GREB1: variants seen among roughly 807,000 people sequenced by gnomAD.
The protein encoded by GREB1 is protein GREB1.
Under a neutral mutation model 200.7 loss-of-function variants are expected in GREB1, and 106 were observed. That is an observed-to-expected ratio of 0.53 (90% confidence interval 0.45 to 0.62). GREB1 has a LOEUF of 0.62. Among genes scored for constraint, GREB1 ranks in the 20% least tolerant of loss-of-function variants. The pLI is 0.00. For synonymous variants in GREB1, 1,132 were observed against 1,092.4 expected (o/e 1.04, Z -0.72); for missense variants, 2,243 against 2,556.8 (o/e 0.88, Z 2.65).
intron 27 of GREB1, among the ~76,000 whole-genome samples, chr2:11,632,662 GAAGAAAGCAT>G (rs1311468553): frequency 6.6e-6 from 1 of 152,190 alleles, no homozygotes; most frequent in Non-Finnish European, 1.5e-5. Flanking sequence ...AATGGTTAGA[GAAGAAAGCAT>G]AAGAAAGCAA....
At chr2:11,510,192 T>G (rs1673310436) in intron 1 of GREB1, among the ~76,000 whole-genome samples, 1 of 152,206 alleles carries the variant, frequency 6.6e-6, no homozygotes, top group African/African-American at 2.4e-5. Flanking sequence ...TTCAGTAAAT[T>G]AGTAATTTGA....
At chr2:11,541,139 G>A (rs1055033955) in intron 1 of GREB1, among the ~76,000 whole-genome samples, 20 of 152,332 alleles carry the variant, frequency 1.3e-4, no homozygotes, top group African/African-American at 4.8e-4. Flanking sequence ...TAGTGGCCCT[G>A]AAGGGCCAGG....
Position 11,618,509 on chromosome 2 carries a change from C to A in GREB1, c.3634C>A (p.Gln1212Lys). 6.2e-7 allele frequency: 1 copy of A among 1,611,622 alleles called. No individual in the cohort carries two copies. Among genetic ancestry groups the A allele is most frequent in the Non-Finnish European group, 8.5e-7 (1 of 1,179,490 alleles). ...CCTCAGGACCGGCCAGAGGAGCGTC[C>A]AGGTGTCGGTCACCTCGTCGTGCTC... ...CSLRTGQRSVQVSVTSSCSQL... is the reference protein window; with the variant it reads ...CSLRTGQRSVKVSVTSSCSQL... The change falls in exon 22 of 33, where the codon CAG becomes AAG. Residue 1212 changes from glutamine (Q) to lysine (K), a missense_variant. By Grantham distance (53) the Gln-to-Lys change is moderately conservative. Transcript: ENST00000381486.
At chr2:11,615,026 G>A (rs995672476) in intron 19 of GREB1, 65 bp from the exon 20 acceptor site, 12 of 1,228,882 alleles carry the variant, frequency 9.8e-6, no homozygotes, top group African/African-American at 7.4e-5. Flanking sequence ...GCTGCCTGCC[G>A]CAGTGGGAAC....
intron 4 of GREB1, among the ~76,000 whole-genome samples, chr2:11,570,195 G>A (rs1678120852): frequency 6.6e-6 from 1 of 151,886 alleles, no homozygotes; most frequent in Non-Finnish European, 1.5e-5. Context: ...GATCACCTGA[G>A]GCCAGGAGTT....
chr2:11,492,224 C>T lies in GREB1; in HGVS notation c.-159+9843C>T, dbSNP rs1362078325. Among the ~76,000 whole-genome samples the T allele has an allele frequency of 6.6e-6, 1 of 152,246 alleles. No individual in the cohort carries two copies. The highest frequency in any genetic ancestry group is 1.9e-4 in the East Asian group (1 of 5,200). On this transcript the variant is annotated intron_variant, in intron 1 of 2. Coordinates refer to the GREB1 transcript ENST00000628795. This position sits in a 1 kb window ranked among gnomAD's most constrained non-coding sequence, Gnocchi z 4.0. ...TGGACACGCCAGGCCTGAGTGGGCT[C>T]TTCCCTCATGCCCACCCCACTTGGT...
chr2:11,602,324 T>C, intron 16 of GREB1, 82 bp from the exon 17 acceptor site: 1 of 1,270,418 alleles, frequency 7.9e-7, no homozygotes. Flanking sequence ...CCAACCCAGG[T>C]CATCCGCAGG....
chr2:11,577,305 G>A (rs185581849), intron 5 of GREB1, among the ~76,000 whole-genome samples: 20 of 152,256 alleles, frequency 1.3e-4, no homozygotes, highest in Admixed American at 1.1e-3. Context: ...TGCACAGGAC[G>A]GCCCCGAGCA....
In GREB1 at chr2:11,627,010, C is replaced by T. The variant is rs376915422; in HGVS notation, c.4355C>T (p.Thr1452Met). Residue 1452 changes from threonine (T) to methionine (M), a missense_variant, in exon 25 of 33, where the codon ACG becomes ATG. Thr to Met is a moderately conservative substitution (Grantham distance 81). Around this residue, in one of 3 missense-constraint regions of GREB1, gnomAD observed 587 missense variants for 553.1 expected, o/e 1.06. Coordinates refer to ENST00000381486, the MANE Select transcript of GREB1 (RefSeq NM_014668.4). ...KPEDLYVRRQ[T>M]ARMRLSKYAA... ...GAGGACCTTTATGTGCGGCGTCAGA[C>T]GGCACGGATGAGACTGTCCAAGTAC... The T allele has an allele frequency of 1.4e-4, 219 of 1,613,918 alleles. No homozygotes were observed. The highest frequency in any genetic ancestry group is 1.6e-4 in the Middle Eastern group (1 of 6,084).
chr2:11,598,843 G>T lies in GREB1; in HGVS notation c.2316G>T (p.Ala772=). Residue 772 remains alanine (A), a synonymous_variant, in exon 15 of 33, where the codon GCG becomes GCT. Coordinates refer to ENST00000381486, the MANE Select transcript of GREB1 (RefSeq NM_014668.4). The part of the protein sequence containing the change: ...HTLFVLIHDH[A]HWDLVSSTVH... ...TTTTTGTCCTAATCCATGACCATGCGCACTGGGATCTTGTGAGGTTAGATT... is the reference window on the plus strand; with the variant it reads ...TTTTTGTCCTAATCCATGACCATGCTCACTGGGATCTTGTGAGGTTAGATT... 1.9e-6 allele frequency: 3 copies of T among 1,613,820 alleles called. No homozygotes were observed. The Admixed American group carries it at 5.0e-5, about 27-fold the overall frequency.
intron 22 of GREB1, 44 bp downstream of exon 22, chr2:11,618,963 GTCC>G: frequency 7.0e-7 from 1 of 1,435,724 alleles, no homozygotes; most frequent in Non-Finnish European, 9.1e-7. Flanking sequence ...GACTGGGGGG[GTCC>G]TCACACTCCC....
intron 1 of GREB1, among the ~76,000 whole-genome samples, chr2:11,487,257 G>T (rs763118297): frequency 1.3e-5 from 2 of 152,128 alleles, no homozygotes; most frequent in Non-Finnish European, 2.9e-5. Flanking sequence ...CTCTTAGGAA[G>T]TGACAAAAAT....
At chr2:11,523,240 T>C (rs1673760762) in intron 1 of GREB1, among the ~76,000 whole-genome samples, 1 of 151,254 alleles carries the variant, frequency 6.6e-6, no homozygotes, top group Admixed American at 6.6e-5. Flanking sequence ...GAATGGAGAG[T>C]GGGAGGAGGG....
At chr2:11,515,251 A>G (rs1164285605) in intron 1 of GREB1, among the ~76,000 whole-genome samples, 3 of 152,146 alleles carry the variant, frequency 2.0e-5, no homozygotes, top group Non-Finnish European at 1.5e-5. Context: ...AGTACAACAT[A>G]CCAGGTATTA....
chr2:11,532,746 A>G (rs1674121456), upstream of GREB1, among the ~76,000 whole-genome samples: 1 of 152,132 alleles, frequency 6.6e-6, no homozygotes, highest in South Asian at 2.1e-4. Flanking sequence ...GCTTGTCCCC[A>G]CTAGCGCAGT....
chr2:11,518,536 G>A (rs1673588812), intron 1 of GREB1, among the ~76,000 whole-genome samples: 3 of 151,916 alleles, frequency 2.0e-5, no homozygotes, highest in Admixed American at 6.6e-5. Flanking sequence ...GCGGGTAGGG[G>A]GTGGGGGTGT....
rs569428678 is a variant in GREB1 at position 11,621,131 on chromosome 2, G to T, written c.4147+124G>T. ...GATTCATGATCAGACTCATCCCAAG[G>T]ACCTTGTAGGGGGTGCTATTTATCT... On this transcript the variant is annotated intron_variant, in intron 23 of 32. Transcript: ENST00000381486. 3.9e-3 allele frequency: 2,601 copies of T among 673,820 alleles called. 98 individuals are homozygous for T. In the South Asian group the frequency reaches 0.043, roughly 11 times the overall value. 41.7% of individuals were successfully genotyped at this position (673,820 alleles called of 1,614,324 possible). A position where few individuals can be genotyped will look rare whatever the true frequency, so the allele number is the denominator to read the frequency against.
Position 11,620,979 on chromosome 2 carries a change from T to C in GREB1, c.4119T>C (p.Asp1373=). ...TGCTTGTTCGGCTCACAGAAGTGGATGTCTATGACGAGGAGGAGATCAATA... is the reference window on the plus strand; with the variant it reads ...TGCTTGTTCGGCTCACAGAAGTGGACGTCTATGACGAGGAGGAGATCAATA... ...SRMLVRLTEV[D]VYDEEEININ... The change falls in exon 23 of 33, where the codon GAT becomes GAC. Residue 1373 remains aspartate, a synonymous_variant. Coordinates refer to ENST00000381486, the MANE Select transcript of GREB1 (RefSeq NM_014668.4). 6.2e-7 allele frequency: 1 copy of C among 1,610,614 alleles called. No individual in the cohort carries two copies. Among genetic ancestry groups the C allele is most frequent in the Non-Finnish European group, 8.5e-7 (1 of 1,176,720 alleles).
At chr2:11,516,680 A>G (rs1419801754) in intron 1 of GREB1, among the ~76,000 whole-genome samples, 1 of 144,568 alleles carries the variant, frequency 6.9e-6, no homozygotes, top group African/African-American at 2.7e-5. Flanking sequence ...AAACGGCCTT[A>G]CCCAAGCTCC....
Sources: gnomAD v4.1 joint callset for allele counts (sites outside exome capture counted in the v4.1 genomes callset) on GRCh38, gnomAD v4.1.1 for gene constraint, gnomAD v4.1.1 regional missense constraint, Gnocchi (gnomAD v3.1) non-coding constraint, MANE v1.5 for transcripts, NCBI Gene and HGNC (gene_info 2026-07-23, HGNC 2026-07-21) for gene names.